The following GRAMD1C variants were observed in gnomAD, a reference collection of about 807,000 sequenced individuals.
The protein encoded by GRAMD1C is protein Aster-C.
Under a neutral mutation model 97.8 loss-of-function variants are expected in GRAMD1C, and 89 were observed. The observed-to-expected ratio is 0.91, with a 90% CI of 0.77 to 1.09. The LOEUF is 1.09. Among genes scored for constraint, GRAMD1C ranks in the 50% least tolerant of loss-of-function variants. GRAMD1C has a pLI of 0.00. For synonymous variants in GRAMD1C, 256 were observed against 267.0 expected (o/e 0.96, Z 0.40); for missense variants, 740 against 766.4 (o/e 0.97, Z 0.41).
At chr3:113,902,424 G>A (rs887531085) in intron 7 of GRAMD1C, among the ~76,000 whole-genome samples, 3 of 152,118 alleles carry the variant, frequency 2.0e-5, no homozygotes, top group Non-Finnish European at 4.4e-5. Context: ...AAGAGCCTTG[G>A]ATTATGGTAA....
intron 12 of GRAMD1C, among the ~76,000 whole-genome samples, chr3:113,934,147 G>A (rs1045176815): frequency 1.3e-5 from 2 of 152,154 alleles, no homozygotes; most frequent in Non-Finnish European, 2.9e-5. Context: ...AGAAAATTTA[G>A]TATTTATTTT....
intron 5 of GRAMD1C, among the ~76,000 whole-genome samples, chr3:113,877,114 T>A (rs1375618988): frequency 6.6e-6 from 1 of 152,196 alleles, no homozygotes; most frequent in African/African-American, 2.4e-5. Flanking sequence ...CCCAAGTAGC[T>A]GGGACTTCTG....
chr3:113,937,947 G>C, intron 14 of GRAMD1C, 139 bp from the exon 15 acceptor site: 1 of 534,578 alleles, frequency 1.9e-6, no homozygotes, highest in Non-Finnish European at 3.3e-6. Flanking sequence ...AGAGGTTGCG[G>C]TGAGCTGAGA....
rs369599083 is a variant in GRAMD1C, at chr3:113,830,026, A to G, written n.98+1747A>G. On this transcript the variant is annotated intron_variant and non_coding_transcript_variant, in intron 1 of 18. Transcript: ENST00000479212. ...CCAGAGAATATGGGTTGCTGCTTCC[A>G]TGGTGAAATGCAGAAGGTTGAATAG... 6.2e-4 allele frequency among the ~76,000 whole-genome samples: 95 copies of G among 152,280 alleles called. 1 individual carries two copies. The highest frequency in any genetic ancestry group is 2.0e-3 in the African/African-American group (85 of 41,566).
exon 1 of GRAMD1C, chr3:113,828,269 T>G (rs1004519350): frequency 6.6e-6 from 1 of 152,204 alleles, no homozygotes; most frequent in African/African-American, 2.4e-5. Context: ...CAGTACCAGG[T>G]GCCCGGCCAT....
chr3:113,876,214 C>T lies in GRAMD1C; in HGVS notation c.413C>T (p.Ala138Val). The change falls in exon 5 of 18, where the codon GCT becomes GTT. Residue 138 changes from alanine (A) to valine (V), a missense_variant. By Grantham distance (64) the Ala-to-Val change is moderately conservative. Coordinates refer to ENST00000358160, the MANE Select transcript of GRAMD1C (RefSeq NM_017577.5). Reference sequence around the variant, plus strand: ...ACCTTCATGACCAAGGAAAAAACTGCTCGACTCATCCCAAACGCTATCCAG... The same window carrying T: ...ACCTTCATGACCAAGGAAAAAACTGTTCGACTCATCCCAAACGCTATCCAG... ...NITFMTKEKT[A>V]RLIPNAIQIV... 1 of 1,602,458 alleles carries T rather than the reference C, an allele frequency of 6.2e-7. No individual in the cohort carries two copies. Among genetic ancestry groups the T allele is most frequent in the Non-Finnish European group, 8.5e-7 (1 of 1,170,096 alleles).
intron 9 of GRAMD1C, among the ~76,000 whole-genome samples, chr3:113,914,483 T>G (rs994036802): frequency 6.6e-6 from 1 of 152,214 alleles, no homozygotes; most frequent in Non-Finnish European, 1.5e-5. Flanking sequence ...CTGACTAATA[T>G]TGACAGATGC....
chr3:113,917,571 C>G (rs567295476), intron 10 of GRAMD1C, among the ~76,000 whole-genome samples: 1 of 152,160 alleles, frequency 6.6e-6, no homozygotes, highest in Non-Finnish European at 1.5e-5. Flanking sequence ...ATCTAACCCC[C>G]TCAGCCTCCC....
chr3:113,851,758 T>C (rs762676899), intron 2 of GRAMD1C, among the ~76,000 whole-genome samples: 3 of 152,218 alleles, frequency 2.0e-5, no homozygotes, highest in African/African-American at 4.8e-5. Context: ...CCTCAGGTGA[T>C]CCATCCACCT....
intron 4 of GRAMD1C, 28 bp downstream of exon 4, chr3:113,875,615 A>G: frequency 1.1e-6 from 1 of 936,740 alleles, no homozygotes. Flanking sequence ...TGATTTGTTG[A>G]TACAAATAAT....
chr3:113,898,440 A>G (rs1007213722), intron 6 of GRAMD1C, among the ~76,000 whole-genome samples: 18 of 152,158 alleles, frequency 1.2e-4, no homozygotes, highest in African/African-American at 4.1e-4. Context: ...GAATGAGTTA[A>G]TTAGTAGTGT....
upstream of GRAMD1C, among the ~76,000 whole-genome samples, chr3:113,835,956 C>CAT: frequency 6.6e-6 from 1 of 152,078 alleles, no homozygotes; most frequent in East Asian, 1.9e-4. Flanking sequence ...TTTAGTATGT[C>CAT]ATATATATTT....
chr3:113,874,122 A>T (rs1355097049), intron 3 of GRAMD1C, among the ~76,000 whole-genome samples: 1 of 152,238 alleles, frequency 6.6e-6, no homozygotes, highest in Non-Finnish European at 1.5e-5. Flanking sequence ...CTAAGTGGAA[A>T]CATTTTGAGA....
intron 6 of GRAMD1C, chr3:113,897,931 T>G (rs2107440046): frequency 5.8e-6 from 1 of 172,064 alleles, no homozygotes; most frequent in Middle Eastern, 3.0e-3. Context: ...TGTTTGAATG[T>G]TTGAATGTTC....
chr3:113,869,147 A>G (rs1298344490), intron 2 of GRAMD1C, among the ~76,000 whole-genome samples: 2 of 152,150 alleles, frequency 1.3e-5, no homozygotes, highest in Non-Finnish European at 2.9e-5. Flanking sequence ...GAACAGGCCC[A>G]GGAATGAGTG....
In GRAMD1C at chr3:113,894,811, C is replaced by G. The variant is rs113442364; in HGVS notation, c.541-6220C>G. Among the ~76,000 whole-genome samples, 460 of 152,230 alleles carry G rather than the reference C, an allele frequency of 3.0e-3. 2 individuals are homozygous for G. The highest frequency in any genetic ancestry group is 0.011 in the African/African-American group (439 of 41,552). The stretch of plus-strand genomic sequence containing the variant: ...AGAAGAAGATAGCATATGTTAGATT[C>G]AGGGGTAAAGTAATGAGGGGAGCTT... On this transcript the variant is annotated intron_variant, in intron 6 of 17. Coordinates refer to ENST00000358160, the MANE Select transcript of GRAMD1C (RefSeq NM_017577.5).
intron 6 of GRAMD1C, among the ~76,000 whole-genome samples, chr3:113,891,566 A>G (rs1935725746): frequency 6.6e-6 from 1 of 152,126 alleles, no homozygotes; most frequent in Admixed American, 6.6e-5. Flanking sequence ...AGTAATTTGA[A>G]TAATACATTT....
chr3:113,859,521 A>G (rs1248098912), intron 2 of GRAMD1C, among the ~76,000 whole-genome samples: 1 of 152,190 alleles, frequency 6.6e-6, no homozygotes. Flanking sequence ...GTAATGTTCC[A>G]GGACAGTTGA....
intron 2 of GRAMD1C, among the ~76,000 whole-genome samples, chr3:113,862,347 A>T (rs1389205578): frequency 6.6e-6 from 1 of 152,194 alleles, no homozygotes; most frequent in Non-Finnish European, 1.5e-5. Context: ...ACCCTCAGGG[A>T]CACATTCTCT....
Sources: gnomAD v4.1 joint callset for allele counts (sites outside exome capture counted in the v4.1 genomes callset) on GRCh38, gnomAD v4.1.1 for gene constraint, MANE v1.5 for transcripts, NCBI Gene and HGNC (gene_info 2026-07-23, HGNC 2026-07-21) for gene names.